The following KIF2C variants were observed in gnomAD, a reference collection of about 807,000 sequenced individuals.
The protein encoded by KIF2C is kinesin family member 2C, also known as kinesin-like protein KIF2C.
In KIF2C, 34 loss-of-function variants were observed where a neutral mutation model predicts 97.4. That is an observed-to-expected ratio of 0.35 (90% CI 0.27 to 0.46). KIF2C has a LOEUF of 0.46. Ranked by LOEUF, KIF2C falls within the 20% of genes least tolerant of loss-of-function variation. KIF2C has a pLI of 1.00. For synonymous variants in KIF2C, 313 were observed against 318.2 expected, an observed-to-expected ratio of 0.98 and a Z score of 0.17; for missense variants, 750 against 907.6, an observed-to-expected ratio of 0.83 and a Z score of 2.23.
chr1:44,750,229 G>A (rs1649435240), intron 4 of KIF2C: 1 of 398,770 alleles, frequency 2.5e-6, no homozygotes, highest in South Asian at 8.8e-5. Context: ...TTGCCCTCAG[G>A]AGCTCCTAGA....
At chr1:44,759,572 C>T (rs564491189) in intron 14 of KIF2C, among the ~76,000 whole-genome samples, 31 of 152,250 alleles carry the variant, frequency 2.0e-4, no homozygotes, top group African/African-American at 7.2e-4. Context: ...CCTATAATCT[C>T]AGCAGTTTGG....
intron 16 of KIF2C, among the ~76,000 whole-genome samples, 177 bp from the exon 17 acceptor site, chr1:44,761,739 G>T (rs1449038472): frequency 2.0e-5 from 3 of 152,206 alleles, no homozygotes; most frequent in Non-Finnish European, 4.4e-5. Context: ...ACCTTAATTT[G>T]CAGTGCCCAT....
intron 19 of KIF2C, among the ~76,000 whole-genome samples, chr1:44,765,820 T>C (rs1009374685): frequency 1.1e-4 from 16 of 152,188 alleles, no homozygotes; most frequent in Admixed American, 1.3e-4. Flanking sequence ...AGGAGGCTGA[T>C]GCAGGCAGAT....
intron 2 of KIF2C, 78 bp downstream of exon 2, chr1:44,741,085 G>A (rs1459201848): frequency 8.8e-7 from 1 of 1,140,702 alleles, no homozygotes; most frequent in Non-Finnish European, 1.3e-6. Context: ...GAATCTGTGA[G>A]AGCCTAGTTT....
At chr1:44,746,604 C>G (rs1042842563) in intron 2 of KIF2C, 18 of 1,436,526 alleles carry the variant, frequency 1.3e-5, no homozygotes, top group Non-Finnish European at 1.5e-5. Flanking sequence ...CCAGCAGGAC[C>G]TCACTGCCCA....
chr1:44,761,045 C>T (rs2148832708), intron 16 of KIF2C: 1 of 258,338 alleles, frequency 3.9e-6, no homozygotes, highest in Non-Finnish European at 7.6e-6. Context: ...CCATGGCCTC[C>T]CTCAGGTTCA....
chr1:44,750,683 C>T, intron 5 of KIF2C, 119 bp downstream of exon 5: 1 of 1,175,034 alleles, frequency 8.5e-7, no homozygotes, highest in Non-Finnish European at 1.1e-6. Flanking sequence ...TGGTCTGCTC[C>T]TGCCCTACCA....
In KIF2C at chr1:44,753,795, A is replaced by G. The variant is rs1159692218; in HGVS notation, c.625A>G (p.Lys209Glu). ...AATGAAGAACAAGCGAGAAGAGAAGAAGGCCCAGAACTCTGAAATGAGAAT... is the reference window on the plus strand; with the variant it reads ...AATGAAGAACAAGCGAGAAGAGAAGGAGGCCCAGAACTCTGAAATGAGAAT... The part of the protein sequence containing the change: ...EKMKNKREEK[K>E]AQNSEMRMKR... Residue 209 changes from lysine (K) to glutamate (E), a missense_variant, in exon 7 of 21, where the codon AAG (lysine) becomes GAG (glutamate). By Grantham distance (56) the Lys-to-Glu change is moderately conservative. Transcript: ENST00000372224. 4.3e-6 allele frequency: 7 copies of G among 1,612,630 alleles called. No individual in the cohort carries two copies. Among genetic ancestry groups the G allele is most frequent in the Middle Eastern group, 3.3e-4 (2 of 6,054 alleles).
Position 44,753,271 on chromosome 1 carries a change from G to A in KIF2C, c.562+17G>A, listed in dbSNP as rs767373198. ...TGAACTCAGGTAGACACACTGAGCTGTCTGCTGTTCTGCTTCTAGTGAGGC... is the reference window on the plus strand; with the variant it reads ...TGAACTCAGGTAGACACACTGAGCTATCTGCTGTTCTGCTTCTAGTGAGGC... On this transcript the variant is annotated intron_variant, in intron 6 of 20. Coordinates refer to ENST00000372224, the MANE Select transcript of KIF2C (RefSeq NM_006845.4). The A allele has an allele frequency of 1.2e-6, 2 of 1,605,080 alleles. No homozygotes were observed. The highest frequency in any genetic ancestry group is 1.1e-5 in the South Asian group (1 of 90,460).
At chr1:44,764,712 T>C (rs906119899) in intron 19 of KIF2C, among the ~76,000 whole-genome samples, 2 of 151,638 alleles carry the variant, frequency 1.3e-5, no homozygotes, top group African/African-American at 4.8e-5. Flanking sequence ...TTTCTCCATG[T>C]TGGTCAGGCT....
At chr1:44,747,925 A>T (rs1293225644) in intron 4 of KIF2C, among the ~76,000 whole-genome samples, 1 of 152,168 alleles carries the variant, frequency 6.6e-6, no homozygotes, top group African/African-American at 2.4e-5. Flanking sequence ...TGGCCTAGAA[A>T]CCTTTTCTGT....
Position 44,762,414 on chromosome 1 carries a change from T to C in KIF2C, c.1820T>C (p.Met607Thr), listed in dbSNP as rs1366232615. The C allele has an allele frequency of 1.2e-6, 2 of 1,614,104 alleles. No individual in the cohort carries two copies. Among genetic ancestry groups the C allele is most frequent in the Admixed American group, 1.7e-5 (1 of 60,018 alleles). Residue 607 changes from methionine to threonine, a missense_variant, in exon 18 of 21, where the codon ATG becomes ACG. Transcript: ENST00000372224. ...TTGATTCAAATGGAAACAGAAGAGATGGAAGCCTGCTCTAACGGGGCGCTG... is the reference window on the plus strand; with the variant it reads ...TTGATTCAAATGGAAACAGAAGAGACGGAAGCCTGCTCTAACGGGGCGCTG... ...EQLIQMETEEMEACSNGALIP... is the reference protein window; with the variant it reads ...EQLIQMETEETEACSNGALIP...
chr1:44,746,711 T>G, intron 2 of KIF2C: 2 of 1,608,834 alleles, frequency 1.2e-6, no homozygotes, highest in Non-Finnish European at 1.7e-6. Context: ...TTCTCATCAC[T>G]GACGTCTACC....
chr1:44,755,663 G>C (rs1649790966), intron 8 of KIF2C, among the ~76,000 whole-genome samples: 1 of 152,236 alleles, frequency 6.6e-6, no homozygotes, highest in South Asian at 2.1e-4. Flanking sequence ...CATACCATAG[G>C]TTGGCTAGAT....
rs767930195 is a variant in KIF2C, at chr1:44,750,463, G to C, written c.338G>C (p.Arg113Pro). The C allele has an allele frequency of 6.5e-7, 1 of 1,546,408 alleles. No homozygotes were observed. The highest frequency in any genetic ancestry group is 8.8e-7 in the Non-Finnish European group (1 of 1,141,400). ...PKESLRSRST[R>P]MSTVSELRIT... ...CCAGGTCTTCGAAGCCGCTCCACTC[G>C]CATGTCCACTGTCTCAGAGCTTCGC... The change falls in exon 5 of 21, where the codon CGC (arginine) becomes CCC (proline). Residue 113 changes from arginine to proline, a missense_variant. Physicochemically the swap from Arg to Pro is moderately radical, Grantham distance 103. Transcript: ENST00000372224.
chr1:44,754,979 G>A, intron 8 of KIF2C, 134 bp downstream of exon 8: 1 of 604,894 alleles, frequency 1.7e-6, no homozygotes, highest in South Asian at 2.0e-5. Context: ...TTTTGAGATG[G>A]GGTCTCACTC....
chr1:44,753,696 C>A, intron 6 of KIF2C, 37 bp from the exon 7 acceptor site: 1 of 1,457,628 alleles, frequency 6.9e-7, no homozygotes, highest in Non-Finnish European at 9.4e-7. Flanking sequence ...ACAGAGTGGG[C>A]TTCCTTTTTT....
chr1:44,753,985 T>G (rs1403507938), intron 7 of KIF2C, 152 bp downstream of exon 7: 1 of 393,016 alleles, frequency 2.5e-6, no homozygotes, highest in Non-Finnish European at 4.5e-6. Context: ...TTTTTTTTTT[T>G]GCTCTGTTGC....
intron 5 of KIF2C, 119 bp downstream of exon 5, chr1:44,750,683 C>A: frequency 8.5e-7 from 1 of 1,175,034 alleles, no homozygotes; most frequent in Non-Finnish European, 1.1e-6. Context: ...TGGTCTGCTC[C>A]TGCCCTACCA....
Sources: gnomAD v4.1 joint callset for allele counts (sites outside exome capture counted in the v4.1 genomes callset) on GRCh38, gnomAD v4.1.1 for gene constraint, MANE v1.5 for transcripts, NCBI Gene and HGNC (gene_info 2026-07-23, HGNC 2026-07-21) for gene names.